HHAT: variants seen among roughly 807,000 people sequenced by gnomAD.
HHAT encodes protein-cysteine N-palmitoyltransferase HHAT.
HHAT carries 47 observed loss-of-function variants against 70.8 expected under a neutral mutation model. That is an observed-to-expected ratio of 0.66 (90% CI 0.53 to 0.85). The LOEUF is 0.85. Among genes scored for constraint, HHAT ranks in the 40% least tolerant of loss-of-function variants. The probability of loss-of-function intolerance (pLI) is 0.00; values close to 1 mark genes in which losing one functional copy is unlikely to be tolerated. For missense variants in HHAT, 609 were observed against 604.8 expected (o/e 1.01, Z -0.07); for synonymous variants, 228 against 247.6 (o/e 0.92, Z 0.74).
chr1:210,334,740 T>A (rs1174108608), intron 1 of HHAT, among the ~76,000 whole-genome samples: 1 of 151,812 alleles, frequency 6.6e-6, no homozygotes, highest in East Asian at 1.9e-4. Context: ...GTAGATGATG[T>A]TATTAGTGTC....
rs773212620 is a variant in HHAT, at chr1:210,418,176, C to T, written c.707C>T (p.Ser236Phe). The change falls in exon 7 of 12, where the codon TCC (serine) becomes TTC (phenylalanine). Residue 236 changes from serine to phenylalanine, a missense_variant. Transcript: ENST00000261458. ...TAGATGCAGCAGCAGGAGCATGACT[C>T]CCTGAAGGCCAGCCTGTGTGTCCTG... is the stretch of plus-strand genomic sequence containing the variant. ...IKQMQQQEHDSLKASLCVLAL... is the reference protein window; with the variant it reads ...IKQMQQQEHDFLKASLCVLAL... The T allele has an allele frequency of 6.2e-7, 1 of 1,614,174 alleles. No homozygotes were observed. Among genetic ancestry groups the T allele is most frequent in the Non-Finnish European group, 8.5e-7 (1 of 1,180,008 alleles).
chr1:210,621,264 G>A (rs914614907), intron 10 of HHAT, among the ~76,000 whole-genome samples: 8 of 152,000 alleles, frequency 5.3e-5, no homozygotes, highest in African/African-American at 1.9e-4. Flanking sequence ...GTTAACAAAG[G>A]AAAAATCACA....
chr1:210,633,385 A>G (rs1558318703), intron 11 of HHAT, among the ~76,000 whole-genome samples: 1 of 152,214 alleles, frequency 6.6e-6, no homozygotes, highest in Non-Finnish European at 1.5e-5. Flanking sequence ...GCAATGTCAC[A>G]TGGTTATCCA....
intron 7 of HHAT, 69 bp from the exon 8 acceptor site, chr1:210,464,436 G>A: frequency 6.6e-7 from 1 of 1,525,678 alleles, no homozygotes; most frequent in Non-Finnish European, 9.1e-7. Context: ...AGCTCCTGGG[G>A]TGTTGGTCTC....
intron 11 of HHAT, among the ~76,000 whole-genome samples, chr1:210,667,946 A>C (rs1679266958): frequency 6.6e-6 from 1 of 152,150 alleles, no homozygotes; most frequent in African/African-American, 2.4e-5. Flanking sequence ...CTGAAACTTT[A>C]TACCCATTAA....
At chr1:210,498,303 C>T (rs576612874) in intron 8 of HHAT, among the ~76,000 whole-genome samples, 1 of 152,106 alleles carries the variant, frequency 6.6e-6, no homozygotes, top group Admixed American at 6.5e-5. Context: ...CCTCGAAGTA[C>T]GTGAAACTTA....
intron 2 of HHAT, among the ~76,000 whole-genome samples, chr1:210,356,366 C>T (rs557126560): frequency 3.9e-4 from 59 of 152,010 alleles, no homozygotes; most frequent in African/African-American, 1.4e-3. Context: ...CGTTGATTTG[C>T]GTTTTCATGT....
At chr1:210,508,904 ATAATCT>A (rs1409662481) in intron 8 of HHAT, among the ~76,000 whole-genome samples, 1 of 152,226 alleles carries the variant, frequency 6.6e-6, no homozygotes, top group African/African-American at 2.4e-5. Context: ...AAATGTTGAA[ATAATCT>A]TAAACTCACA....
intron 9 of HHAT, among the ~76,000 whole-genome samples, chr1:210,519,679 A>G (rs2095120652): frequency 7.7e-6 from 1 of 129,226 alleles, no homozygotes; most frequent in African/African-American, 2.6e-5. Flanking sequence ...GGCATATACC[A>G]CCATGCCCAG....
chr1:210,341,227 C>G (rs2086014550), intron 1 of HHAT, among the ~76,000 whole-genome samples: 1 of 152,098 alleles, frequency 6.6e-6, no homozygotes, highest in Non-Finnish European at 1.5e-5. Flanking sequence ...TGAGAGCTGT[C>G]TTGTTAAAGT....
In HHAT at chr1:210,418,291, C is replaced by T. The variant is rs2092786403; in HGVS notation, c.822C>T (p.Ile274=). 1 of 1,609,138 alleles carries T rather than the reference C, an allele frequency of 6.2e-7. No homozygotes were observed. The highest frequency in any genetic ancestry group is 8.5e-7 in the Non-Finnish European group (1 of 1,177,358). ...ACATGCATGCCATCTACAGCAGCAT[C>T]CCCCTCCTGGAGACTGTCTCTTGTT... The part of the protein sequence containing the change: ...LMYMHAIYSS[I]PLLETVSCWT... Residue 274 remains isoleucine, a synonymous_variant, in exon 7 of 12, where the codon ATC becomes ATT. Transcript: ENST00000261458.
intron 2 of HHAT, among the ~76,000 whole-genome samples, chr1:210,354,941 A>T (rs2087454895): frequency 6.6e-6 from 1 of 152,190 alleles, no homozygotes; most frequent in South Asian, 2.1e-4. Flanking sequence ...ATATTTTTAT[A>T]ATGTGTCTTT....
At chr1:210,601,155 T>A (rs1200042670) in intron 10 of HHAT, among the ~76,000 whole-genome samples, 1 of 152,088 alleles carries the variant, frequency 6.6e-6, no homozygotes, top group Non-Finnish European at 1.5e-5. Flanking sequence ...CCATGTTGAT[T>A]AGTTTGATTT....
At chr1:210,630,384 C>T (rs1323694223) in intron 11 of HHAT, among the ~76,000 whole-genome samples, 1 of 152,200 alleles carries the variant, frequency 6.6e-6, no homozygotes, top group Non-Finnish European at 1.5e-5. Context: ...CCCTTGGTGA[C>T]ACCACTACCA....
At chr1:210,380,971 T>A (rs1572033895) in intron 3 of HHAT, among the ~76,000 whole-genome samples, 2 of 152,170 alleles carry the variant, frequency 1.3e-5, no homozygotes, top group East Asian at 3.9e-4. Flanking sequence ...ACATGAAGAA[T>A]ATTAAGTGGG....
At chr1:210,625,203 T>C (rs376033523) in intron 11 of HHAT, among the ~76,000 whole-genome samples, 14 of 152,292 alleles carry the variant, frequency 9.2e-5, no homozygotes, top group Non-Finnish European at 1.6e-4. Context: ...AAGCTGTCCT[T>C]TAATAAAGAT....
chr1:210,663,642 A>G (rs912603769), intron 11 of HHAT, among the ~76,000 whole-genome samples: 1 of 152,148 alleles, frequency 6.6e-6, no homozygotes, highest in African/African-American at 2.4e-5. Flanking sequence ...GTGAGCACCC[A>G]ATTTAGTAGA....
chr1:210,406,662 A>T (rs1374571487), intron 6 of HHAT, among the ~76,000 whole-genome samples: 1 of 152,160 alleles, frequency 6.6e-6, no homozygotes, highest in Non-Finnish European at 1.5e-5. Flanking sequence ...AAGTGCTAGG[A>T]TTACAGGCTT....
At chr1:210,387,941 A>G (rs1558414359) in intron 4 of HHAT, among the ~76,000 whole-genome samples, 2 of 152,180 alleles carry the variant, frequency 1.3e-5, no homozygotes, top group Non-Finnish European at 2.9e-5. Context: ...TTACTTAAGA[A>G]GTGGGAATAA....
Sources: allele counts gnomAD v4.1 joint callset (sites outside exome capture counted in the v4.1 genomes callset), GRCh38; gene constraint gnomAD v4.1.1; transcripts MANE v1.5; gene names NCBI Gene and HGNC (gene_info 2026-07-23, HGNC 2026-07-21).